The following FAM81A variants were observed in gnomAD, a reference collection of about 807,000 sequenced individuals.
FAM81A encodes the protein protein FAM81A.
Under a neutral mutation model 46.7 loss-of-function variants are expected in FAM81A, and 19 were observed. That is an observed-to-expected ratio of 0.41 (90% confidence interval 0.28 to 0.60). The LOEUF is 0.60. Among genes scored for constraint, FAM81A ranks in the 20% least tolerant of loss-of-function variants. The pLI, the probability that FAM81A is intolerant of heterozygous loss-of-function variation, is 0.34. For missense variants in FAM81A, 377 were observed against 453.5 expected, an observed-to-expected ratio of 0.83 and a Z score of 1.53; for synonymous variants, 183 against 152.9, an observed-to-expected ratio of 1.20 and a Z score of -1.45.
rs1390474275 is a variant in FAM81A at position 59,460,168 on chromosome 15, A to G, written c.256A>G (p.Ile86Val). The G allele has an allele frequency of 1.2e-6, 2 of 1,613,934 alleles. No homozygotes were observed. Among genetic ancestry groups the G allele is most frequent in the South Asian group, 1.1e-5 (1 of 91,092 alleles). ...TTTCTTGGAGGAGCATATCAGAAAC[A>G]TAACTGCCATAGTGAAGCAACTTAA... ...RLFLEEHIRN[I>V]TAIVKQLNRD... The change falls in exon 3 of 9, where the codon ATA (isoleucine) becomes GTA (valine). Residue 86 changes from isoleucine (I) to valine (V), a missense_variant. By Grantham distance (29) the Ile-to-Val change is conservative (BLOSUM62 3). Coordinates refer to ENST00000288228, the MANE Select transcript of FAM81A (RefSeq NM_152450.3). This position sits in a 1 kb window ranked among gnomAD's most constrained non-coding sequence, Gnocchi z 4.4.
intron 3 of FAM81A, among the ~76,000 whole-genome samples, chr15:59,462,422 A>T (rs931241346): frequency 6.6e-6 from 1 of 152,074 alleles, no homozygotes; most frequent in African/African-American, 2.4e-5. Flanking sequence ...ACACCTTTTC[A>T]TATGCTTATT....
chr15:59,504,923 G>T (rs2082133101), intron 4 of FAM81A, among the ~76,000 whole-genome samples: 1 of 151,996 alleles, frequency 6.6e-6, no homozygotes, highest in South Asian at 2.1e-4. Context: ...ATTTCCCCAT[G>T]CTTTATGTAT....
At chr15:59,432,790 C>T (rs1174951185) in intron 2 of FAM81A, among the ~76,000 whole-genome samples, 5 of 151,884 alleles carry the variant, frequency 3.3e-5, no homozygotes, top group African/African-American at 4.8e-5. Context: ...ATTTAAGGTG[C>T]GACATTTAAG....
chr15:59,421,869 C>CTCTA (rs59527837), intron 2 of FAM81A, among the ~76,000 whole-genome samples: 12,078 of 146,904 alleles, frequency 0.082, 528 homozygotes, highest in East Asian at 0.1. Context: ...ACCCTCAACC[C>CTCTA]TCTATCTATC....
chr15:59,487,125 TAA>T (rs1389806506), intron 3 of FAM81A, among the ~76,000 whole-genome samples: 1 of 126,940 alleles, frequency 7.9e-6, no homozygotes, highest in African/African-American at 2.6e-5. Context: ...AACAAAAAGT[TAA>T]AAAGTGTGGA....
chr15:59,518,929 T>TTGTG (rs150647352), intron 8 of FAM81A, among the ~76,000 whole-genome samples: 1 of 136,008 alleles, frequency 7.4e-6, no homozygotes, highest in Non-Finnish European at 1.6e-5. Flanking sequence ...TCACAGGTAT[T>TTGTG]TGTGTGTGTG....
intron 8 of FAM81A, 82 bp downstream of exon 8, chr15:59,516,922 T>A: frequency 7.8e-7 from 1 of 1,286,948 alleles, no homozygotes; most frequent in Non-Finnish European, 1.0e-6. Flanking sequence ...TGCAACTACC[T>A]ATGAACCTGG....
At chr15:59,413,121 C>T (rs987047824) in intron 2 of FAM81A, among the ~76,000 whole-genome samples, 6 of 151,954 alleles carry the variant, frequency 3.9e-5, no homozygotes, top group African/African-American at 1.5e-4. Flanking sequence ...AGGTCAGTCA[C>T]GTGGCAAAGG....
intron 1 of FAM81A, among the ~76,000 whole-genome samples, chr15:59,457,250 G>T (rs764073949): frequency 6.6e-6 from 1 of 152,142 alleles, no homozygotes; most frequent in Non-Finnish European, 1.5e-5. Context: ...AATCTTGTGC[G>T]ATCCTGCTCC....
intron 3 of FAM81A, among the ~76,000 whole-genome samples, chr15:59,462,254 A>G (rs866895495): frequency 6.6e-6 from 1 of 151,778 alleles, no homozygotes; most frequent in Middle Eastern, 3.2e-3. Flanking sequence ...TGGCTATAAC[A>G]TTTTACAATC....
intron 3 of FAM81A, among the ~76,000 whole-genome samples, chr15:59,480,134 A>G (rs1332779854): frequency 2.0e-5 from 3 of 152,218 alleles, no homozygotes; most frequent in Non-Finnish European, 4.4e-5. Flanking sequence ...AGAGACTTCT[A>G]TCAAATGGTG....
chr15:59,507,168 T>C (rs749106864), intron 4 of FAM81A, 45 bp from the exon 5 acceptor site: 1 of 1,577,790 alleles, frequency 6.3e-7, no homozygotes, highest in Non-Finnish European at 8.6e-7. Flanking sequence ...TTGCGCATTG[T>C]TTTTAAACTT....
intron 1 of FAM81A, among the ~76,000 whole-genome samples, chr15:59,442,228 C>G (rs901524020): frequency 1.3e-5 from 2 of 152,208 alleles, no homozygotes; most frequent in Non-Finnish European, 2.9e-5. Flanking sequence ...AGAAGCCTGA[C>G]TGCTTTGTCT....
At chr15:59,513,413 C>T (rs2082234035) in intron 6 of FAM81A, among the ~76,000 whole-genome samples, 1 of 152,154 alleles carries the variant, frequency 6.6e-6, no homozygotes, top group Non-Finnish European at 1.5e-5. Context: ...ATCGTGGACC[C>T]TCGGAACTGC....
chr15:59,425,153 G>T (rs1425636824), intron 2 of FAM81A, among the ~76,000 whole-genome samples: 2 of 152,048 alleles, frequency 1.3e-5, no homozygotes, highest in Non-Finnish European at 2.9e-5. Flanking sequence ...CCAAAGTGTT[G>T]GGATAATTTT....
At chr15:59,425,596 A>G (rs1387445268) in intron 2 of FAM81A, among the ~76,000 whole-genome samples, 1 of 152,198 alleles carries the variant, frequency 6.6e-6, no homozygotes, top group Non-Finnish European at 1.5e-5. Flanking sequence ...TTTTAGTAAA[A>G]TAGGCTTTGC....
intron 1 of FAM81A, among the ~76,000 whole-genome samples, chr15:59,454,428 G>A (rs927984499): frequency 1.3e-5 from 2 of 152,000 alleles, no homozygotes; most frequent in African/African-American, 4.8e-5. Flanking sequence ...TAATTGGTTG[G>A]CATTAATGTC....
At chr15:59,419,166 C>T (rs974135809) in intron 2 of FAM81A, among the ~76,000 whole-genome samples, 2 of 152,114 alleles carry the variant, frequency 1.3e-5, no homozygotes, top group South Asian at 2.1e-4. Flanking sequence ...CCCATAACAA[C>T]GATAATATCA....
intron 2 of FAM81A, among the ~76,000 whole-genome samples, chr15:59,426,534 C>T (rs1322065910): frequency 6.6e-6 from 1 of 152,200 alleles, no homozygotes; most frequent in African/African-American, 2.4e-5. Context: ...ATCGCTTGAA[C>T]CCAGGAGGCA....
Sources: gnomAD v4.1 joint callset for allele counts (sites outside exome capture counted in the v4.1 genomes callset) on GRCh38, gnomAD v4.1.1 for gene constraint, Gnocchi (gnomAD v3.1) non-coding constraint, MANE v1.5 for transcripts, NCBI Gene and HGNC (gene_info 2026-07-23, HGNC 2026-07-21) for gene names.